The following DIS3L variants were observed in gnomAD, a reference collection of about 807,000 sequenced individuals.
DIS3L encodes DIS3-like exonuclease 1.
DIS3L carries 100 observed loss-of-function variants against 120.3 expected under a neutral mutation model. The observed-to-expected ratio is 0.83, with a 90% confidence interval of 0.71 to 0.98. The LOEUF is 0.98. DIS3L is among the 50% of genes least tolerant of loss of function. The pLI is 0.00. For synonymous variants in DIS3L, 426 were observed against 470.6 expected, an observed-to-expected ratio of 0.91 and a Z score of 1.23; for missense variants, 1,196 against 1,314.2, an observed-to-expected ratio of 0.91 and a Z score of 1.39.
chr15:66,293,549 TGCCTCCGCC>T, upstream of DIS3L: 2 of 1,371,336 alleles, frequency 1.5e-6, no homozygotes, highest in Non-Finnish European at 1.9e-6. Context: ...GCCGCGGCCT[TGCCTCCGCC>T]GCGCCCGCCA....
At chr15:66,332,060 GT>G (rs1460802699) in intron 15 of DIS3L, 40 bp downstream of exon 15, 3 of 1,562,778 alleles carry the variant, frequency 1.9e-6, no homozygotes, top group Non-Finnish European at 2.6e-6. Context: ...AGAAATCATA[GT>G]TAAAAGTGTA....
intron 2 of DIS3L, among the ~76,000 whole-genome samples, chr15:66,304,532 T>C (rs1460934034): frequency 6.6e-6 from 1 of 152,162 alleles, no homozygotes; most frequent in Non-Finnish European, 1.5e-5. Flanking sequence ...AGGGAACAGC[T>C]TTTGTTTGTA....
At chr15:66,315,303 T>C in intron 7 of DIS3L, 88 bp downstream of exon 7, 2 of 1,195,810 alleles carry the variant, frequency 1.7e-6, no homozygotes, top group South Asian at 4.1e-5. Flanking sequence ...ATACTGCCCT[T>C]ATTTTATTTA....
chr15:66,332,704 GTC>G (rs1041382744), intron 15 of DIS3L, 30 bp from the exon 16 acceptor site: 6 of 1,563,412 alleles, frequency 3.8e-6, no homozygotes, highest in African/African-American at 1.4e-5. Flanking sequence ...AGAATACATT[GTC>G]TCTGGATTTA....
chr15:66,315,131 T>G lies in DIS3L; in HGVS notation c.910T>G (p.Trp304Gly), dbSNP rs771239145. The change falls in exon 7 of 17, where the codon TGG becomes GGG. Residue 304 changes from tryptophan (W) to glycine (G), a missense_variant. Physicochemically the swap from Trp to Gly is radical, Grantham distance 184. Coordinates refer to ENST00000319212, the MANE Select transcript of DIS3L (RefSeq NM_001143688.3). The part of the protein sequence containing the change: ...VVVELLPKNE[W>G]KGRTVALCEN... ...TGTGGAGCTGCTTCCTAAAAATGAA[T>G]GGAAAGGAAGAACCGTAGCCCTGTG... is the stretch of plus-strand genomic sequence containing the variant. 3 of 1,613,734 alleles carry G rather than the reference T, an allele frequency of 1.9e-6. No homozygotes were observed. The African/African-American group carries it at 4.0e-5, about 22-fold the overall frequency.
chr15:66,293,969 T>C, intron 1 of DIS3L: 1 of 992,846 alleles, frequency 1.0e-6, no homozygotes, highest in East Asian at 1.1e-4. Flanking sequence ...CCCTGTCCAA[T>C]GGGAGGGCCC....
At position 66,331,010 on chromosome 15, in the gene DIS3L, C is replaced by T. The variant is rs542258289; in HGVS notation, c.2536-865C>T. Among the ~76,000 whole-genome samples the T allele has an allele frequency of 2.1e-4, 32 of 152,130 alleles. No individual in the cohort carries two copies. The South Asian group carries it at 2.7e-3, about 13-fold the overall frequency. On this transcript the variant is annotated intron_variant, in intron 14 of 16. Coordinates refer to ENST00000319212, the MANE Select transcript of DIS3L (RefSeq NM_001143688.3). ...TTACTACTAAAAATACAAAAATTAG[C>T]CAGGCATGGTGGTGCATGCCTGTAA...
At chr15:66,312,024 T>C (rs1278672784) in intron 5 of DIS3L, 124 bp downstream of exon 5, 1 of 1,113,392 alleles carries the variant, frequency 9.0e-7, no homozygotes, top group Non-Finnish European at 1.3e-6. Context: ...CTGGGCAACA[T>C]AGTGAAACCC....
intron 4 of DIS3L, among the ~76,000 whole-genome samples, chr15:66,310,937 G>A (rs2092753760): frequency 6.7e-6 from 1 of 150,372 alleles, no homozygotes; most frequent in Admixed American, 6.7e-5. Context: ...CAAGGCTACA[G>A]TGAGCCAAGA....
chr15:66,305,452 G>A (rs529516834), intron 2 of DIS3L, among the ~76,000 whole-genome samples: 1 of 152,320 alleles, frequency 6.6e-6, no homozygotes, highest in Admixed American at 6.5e-5. Flanking sequence ...GGCTGGAGGT[G>A]TGGAAGGAAG....
chr15:66,329,652 T>A (rs1164581254), intron 14 of DIS3L: 1 of 1,156,422 alleles, frequency 8.6e-7, no homozygotes, highest in African/African-American at 1.6e-5. Context: ...AAAGATATGA[T>A]GACAGAGGCC....
intron 7 of DIS3L, among the ~76,000 whole-genome samples, chr15:66,315,417 T>C (rs191657455): frequency 6.4e-4 from 97 of 152,270 alleles, no homozygotes; most frequent in African/African-American, 2.2e-3. Flanking sequence ...ATATAATGCA[T>C]TGGAGAATGC....
At chr15:66,309,094 A>AAAAAAAAAAAAAAAAAAAAT in intron 4 of DIS3L, among the ~76,000 whole-genome samples, 1 of 15,320 alleles carries the variant, frequency 6.5e-5, no homozygotes, top group African/African-American at 2.0e-4. Context: ...AAAAAAAAAA[A>AAAAAAAAAAAAAAAAAAAAT]ATATATATAT....
At chr15:66,318,402 A>T in intron 7 of DIS3L, 47 bp from the exon 8 acceptor site, 1 of 1,586,970 alleles carries the variant, frequency 6.3e-7, no homozygotes, top group East Asian at 2.3e-5. Context: ...GTCCAGATAG[A>T]TGGCACCTAA....
At chr15:66,310,071 C>G (rs1316694434) in intron 4 of DIS3L, among the ~76,000 whole-genome samples, 1 of 152,164 alleles carries the variant, frequency 6.6e-6, no homozygotes, top group African/African-American at 2.4e-5. Context: ...TTAGGTTTCA[C>G]TTGTTGATAT....
chr15:66,323,334 A>G (rs1374258926), intron 10 of DIS3L, among the ~76,000 whole-genome samples, 159 bp from the exon 11 acceptor site: 2 of 152,154 alleles, frequency 1.3e-5, no homozygotes, highest in Non-Finnish European at 2.9e-5. Flanking sequence ...GGACCATGGG[A>G]ATAGTTTTAT....
rs1267425292 is a variant in DIS3L, at chr15:66,333,634, CAGG to C, written c.*325_*327del. The C allele has an allele frequency of 2.4e-5, 4 of 166,766 alleles. No individual in the cohort carries two copies. The highest frequency in any genetic ancestry group is 1.6e-4 in the East Asian group (1 of 6,096). The allele number at this position is 166,766 out of a possible 1,614,324, so 10.3% of individuals were successfully genotyped here. ...GTCCCAGCTACTTGGGAGGCTGAAG[CAGG>C]AGAATTGCCTGAACCCAGGAAGAGG... On this transcript the variant is annotated 3_prime_UTR_variant, in exon 17 of 17. Coordinates refer to ENST00000319212, the MANE Select transcript of DIS3L (RefSeq NM_001143688.3).
At chr15:66,305,286 A>G (rs2092693200) in intron 2 of DIS3L, among the ~76,000 whole-genome samples, 1 of 151,964 alleles carries the variant, frequency 6.6e-6, no homozygotes, top group African/African-American at 2.4e-5. Flanking sequence ...TGTGTGAGCC[A>G]CCGCACCCAG....
Position 66,326,173 on chromosome 15 carries a change from C to A in DIS3L, c.2010C>A (p.Ile670=). 6.2e-7 allele frequency: 1 copy of A among 1,614,180 alleles called. No homozygotes were observed. Among genetic ancestry groups the A allele is most frequent in the South Asian group, 1.1e-5 (1 of 91,086 alleles). Residue 670 remains isoleucine (I), a synonymous_variant, in exon 12 of 17, where the codon ATC becomes ATA. Transcript: ENST00000319212. ...ACAAAAAGAACATTCACGACCTCATCCCCAAGCAGCCCCTGGAAGTCCACG... is the reference window on the plus strand; with the variant it reads ...ACAAAAAGAACATTCACGACCTCATACCCAAGCAGCCCCTGGAAGTCCACG... ...LDDKKNIHDL[I]PKQPLEVHET... is the part of the protein sequence containing the mutation.
Sources: allele counts gnomAD v4.1 joint callset (sites outside exome capture counted in the v4.1 genomes callset), GRCh38; gene constraint gnomAD v4.1.1; transcripts MANE v1.5; gene names NCBI Gene and HGNC (gene_info 2026-07-23, HGNC 2026-07-21).